The following UBAC2 variants were observed in gnomAD, a reference collection of about 807,000 sequenced individuals.
The protein encoded by UBAC2 is ubiquitin-associated domain-containing protein 2.
Under a neutral mutation model 44.0 loss-of-function variants are expected in UBAC2, and 26 were observed. The observed-to-expected ratio is 0.59, with a 90% CI of 0.43 to 0.82. The LOEUF (loss-of-function observed/expected upper bound fraction) is 0.82, where lower values mean the gene tolerates loss of function less well. Ranked by LOEUF, UBAC2 falls within the 40% of genes least tolerant of loss-of-function variation. The probability of loss-of-function intolerance (pLI) is 0.00; values close to 1 mark genes in which losing one functional copy is unlikely to be tolerated. For missense variants in UBAC2, 329 were observed against 419.4 expected (o/e 0.78, Z 1.88); for synonymous variants, 155 against 154.3 (o/e 1.00, Z -0.04).
intron 1 of UBAC2, chr13:99,215,320 A>G: frequency 1.3e-6 from 1 of 795,010 alleles, no homozygotes; most frequent in Admixed American, 1.7e-5. Flanking sequence ...CCAACACTGG[A>G]CAGCTGTTCT....
chr13:99,223,200 A>G (rs1455959324), intron 1 of UBAC2, among the ~76,000 whole-genome samples: 4 of 152,208 alleles, frequency 2.6e-5, no homozygotes, highest in South Asian at 2.1e-4. Context: ...TAAGAAATAC[A>G]TAACATAAAA....
intron 7 of UBAC2, among the ~76,000 whole-genome samples, chr13:99,347,961 C>G (rs945930894): frequency 6.6e-6 from 1 of 152,068 alleles, no homozygotes; most frequent in Non-Finnish European, 1.5e-5. Flanking sequence ...ACTCGGGACA[C>G]TATGCTGGAC....
At chr13:99,331,944 C>T (rs1305268520) in intron 6 of UBAC2, among the ~76,000 whole-genome samples, 2 of 151,862 alleles carry the variant, frequency 1.3e-5, no homozygotes, top group South Asian at 2.1e-4. Context: ...AATGAGGTCT[C>T]GGTGGGTCTG....
At chr13:99,291,635 T>C (rs2044090179) in intron 4 of UBAC2, among the ~76,000 whole-genome samples, 1 of 152,220 alleles carries the variant, frequency 6.6e-6, no homozygotes, top group Non-Finnish European at 1.5e-5. Context: ...TATTTAGTTT[T>C]AAATTGCCTT....
At chr13:99,266,051 T>G (rs1193494552) in intron 4 of UBAC2, among the ~76,000 whole-genome samples, 1 of 152,182 alleles carries the variant, frequency 6.6e-6, no homozygotes, top group Non-Finnish European at 1.5e-5. Flanking sequence ...ATACTGTGCT[T>G]CTACTGCCAC....
intron 1 of UBAC2, among the ~76,000 whole-genome samples, chr13:99,205,067 C>T (rs1329905588): frequency 2.0e-5 from 3 of 152,090 alleles, no homozygotes; most frequent in African/African-American, 7.2e-5. Flanking sequence ...CCACACCCGG[C>T]TAATTTTTGT....
chr13:99,385,653 C>G lies in UBAC2; in HGVS notation c.*318C>G, dbSNP rs2045610585. 3.2e-6 allele frequency: 1 copy of G among 310,878 alleles called. No homozygotes were observed. Among genetic ancestry groups the G allele is most frequent in the African/African-American group, 2.1e-5 (1 of 48,064 alleles). The allele number at this position is 310,878 out of a possible 1,614,324, so 19.3% of individuals were successfully genotyped here. A position where few individuals can be genotyped will look rare whatever the true frequency, so the allele number is the denominator to read the frequency against. ...TTCTGCAGGCAGTTGAATGGCACTC[C>G]AGATGGGGAATTGCTGTAACCCTCT... On this transcript the variant is annotated 3_prime_UTR_variant, in exon 9 of 9. Coordinates refer to ENST00000403766, the MANE Select transcript of UBAC2 (RefSeq NM_001144072.2).
intron 2 of UBAC2, among the ~76,000 whole-genome samples, chr13:99,242,471 T>C (rs1335909443): frequency 3.1e-5 from 3 of 98,330 alleles, no homozygotes; most frequent in Non-Finnish European, 4.1e-5. Context: ...CCCCCCCACC[T>C]CCCTCCCCGA....
At chr13:99,353,861 A>G (rs1299151492) in intron 7 of UBAC2, among the ~76,000 whole-genome samples, 2 of 152,130 alleles carry the variant, frequency 1.3e-5, no homozygotes, top group African/African-American at 4.8e-5. Context: ...TGCAACCCCC[A>G]AGGTTTCAGA....
chr13:99,285,849 A>T (rs938750455), intron 4 of UBAC2, among the ~76,000 whole-genome samples: 7 of 152,168 alleles, frequency 4.6e-5, no homozygotes, highest in Non-Finnish European at 1.0e-4. Context: ...TGAATTCAGT[A>T]TGAGCCAAGG....
chr13:99,329,235 A>T (rs892108442), intron 6 of UBAC2, among the ~76,000 whole-genome samples: 3 of 152,074 alleles, frequency 2.0e-5, no homozygotes, highest in Admixed American at 1.3e-4. Flanking sequence ...AAGTCCTCCC[A>T]CCTTGTTTTT....
At chr13:99,333,511 C>T (rs929376945) in intron 6 of UBAC2, among the ~76,000 whole-genome samples, 5 of 152,196 alleles carry the variant, frequency 3.3e-5, no homozygotes, top group Non-Finnish European at 5.9e-5. Context: ...GAAATACTTA[C>T]AGTACTATGT....
chr13:99,330,470 A>AAAAAAAAAAAAAAAAAAAAAAAC, intron 6 of UBAC2, among the ~76,000 whole-genome samples: 1 of 148,998 alleles, frequency 6.7e-6, no homozygotes, highest in Non-Finnish European at 1.5e-5. Context: ...AAAAAAAAAA[A>AAAAAAAAAAAAAAAAAAAAAAAC]AAAAAAGAAA....
chr13:99,248,002 G>A (rs1049102745), intron 4 of UBAC2, among the ~76,000 whole-genome samples: 8 of 151,568 alleles, frequency 5.3e-5, no homozygotes, highest in African/African-American at 1.9e-4. Context: ...TTAACCTCTC[G>A]TTGTTTCATG....
At chr13:99,215,984 G>A (rs1347593180) in intron 1 of UBAC2, among the ~76,000 whole-genome samples, 2 of 152,140 alleles carry the variant, frequency 1.3e-5, no homozygotes, top group African/African-American at 2.4e-5. Context: ...AGTAATATTA[G>A]TCTTTAATAA....
Position 99,333,095 on chromosome 13 carries a change from C to CG in UBAC2, c.562-7225_562-7224insG, listed in dbSNP as rs1566507159. Among the ~76,000 whole-genome samples, 256 of 138,294 alleles carry CG rather than the reference C, an allele frequency of 1.9e-3. 1 individual carries two copies. Among genetic ancestry groups the CG allele is most frequent in the African/African-American group, 5.9e-3 (241 of 40,982 alleles). The allele number at this position is 138,294 out of a possible 152,430, so 90.7% of individuals were successfully genotyped here. On this transcript the variant is annotated intron_variant, in intron 6 of 8. Coordinates refer to ENST00000403766, the MANE Select transcript of UBAC2 (RefSeq NM_001144072.2). ...TGAGCAACATGGTGAAACCCCGTCT[C>CG]TGGGGGGGGAAGAAAGAGAGAGATA...
At chr13:99,349,534 G>C (rs1255167104) in intron 7 of UBAC2, among the ~76,000 whole-genome samples, 1 of 152,200 alleles carries the variant, frequency 6.6e-6, no homozygotes, top group African/African-American at 2.4e-5. Context: ...CAAGACCGGG[G>C]GTCAGGGTAA....
At chr13:99,311,394 T>C (rs1349665036) in intron 4 of UBAC2, among the ~76,000 whole-genome samples, 1 of 152,200 alleles carries the variant, frequency 6.6e-6, no homozygotes, top group Admixed American at 6.5e-5. Context: ...ATTCAGGGCC[T>C]GGGACGTCTT....
At chr13:99,361,748 T>G (rs2045267872) in intron 7 of UBAC2, among the ~76,000 whole-genome samples, 1 of 152,096 alleles carries the variant, frequency 6.6e-6, no homozygotes, top group Admixed American at 6.5e-5. Context: ...CTCCTTCACA[T>G]AACAACCAAA....
Sources: gnomAD v4.1 joint callset for allele counts (sites outside exome capture counted in the v4.1 genomes callset) on GRCh38, gnomAD v4.1.1 for gene constraint, MANE v1.5 for transcripts, NCBI Gene and HGNC (gene_info 2026-07-23, HGNC 2026-07-21) for gene names.